Variants in CFAP157 observed in about 807,000 individuals in gnomAD.
CFAP157 encodes the protein cilia- and flagella-associated protein 157.
A neutral mutation model predicts 57.8 loss-of-function variants in CFAP157; 43 were observed. The ratio of observed to expected loss-of-function variants is 0.74; its 90% CI spans 0.58 to 0.96. CFAP157 has a LOEUF of 0.96. CFAP157 is among the 40% of genes least tolerant of loss of function. The pLI, the probability that CFAP157 is intolerant of heterozygous loss-of-function variation, is 0.00. For missense variants in CFAP157, 606 were observed against 655.3 expected (o/e 0.92, Z 0.82); for synonymous variants, 267 against 269.0 (o/e 0.99, Z 0.07).
In CFAP157 at chr9:127,715,244, G is replaced by A; in HGVS notation, c.*1339G>A. The A allele has an allele frequency of 6.6e-7, 1 of 1,503,882 alleles. No individual in the cohort carries two copies. The highest frequency in any genetic ancestry group is 1.4e-5 in the African/African-American group (1 of 72,472). The allele number at this position is 1,503,882 out of a possible 1,614,324, so 93.2% of individuals were successfully genotyped here. ...AGGCCCAACAACTCTCGCCACCCCC[G>A]ATCTCACAGCGTCCCGTGGGCCCCA... On this transcript the variant is annotated 3_prime_UTR_variant, in exon 9 of 9. Transcript: ENST00000373295. The surrounding 1 kb of genome is among the most constrained non-coding windows in gnomAD (Gnocchi z 5.8).
Position 127,715,132 on chromosome 9 carries a change from C to T in CFAP157, c.*1227C>T. The stretch of plus-strand genomic sequence containing the variant: ...CACCCAGCCGCCGCGCCAGCTGCCC[C>T]AGCACCGCCATGCCCACGCTGTGTC... On this transcript the variant is annotated 3_prime_UTR_variant, in exon 9 of 9. Coordinates refer to ENST00000373295, the MANE Select transcript of CFAP157 (RefSeq NM_001012502.3). This position sits in a 1 kb window ranked among gnomAD's most constrained non-coding sequence, Gnocchi z 5.8. The T allele has an allele frequency of 6.5e-7, 1 of 1,537,048 alleles. No homozygotes were observed.
chr9:127,712,706 C>T lies in CFAP157; in HGVS notation c.1138-3C>T, dbSNP rs772244241. 13 of 1,614,056 alleles carry T rather than the reference C, an allele frequency of 8.1e-6. No homozygotes were observed. In the South Asian group the frequency reaches 1.1e-4, roughly 14 times the overall value. On this transcript the variant is annotated splice_polypyrimidine_tract_variant and splice_region_variant and intron_variant, in intron 6 of 8. Coordinates refer to ENST00000373295, the MANE Select transcript of CFAP157 (RefSeq NM_001012502.3). The stretch of plus-strand genomic sequence containing the variant: ...CCTGCTGCCACCCCACCCTCACCAA[C>T]AGATGCACCGCGATGAAGAGGACAG...
At position 127,714,939 on chromosome 9, in the gene CFAP157, T is replaced by TGGG; in HGVS notation, c.*1036_*1037insGGG. The TGGG allele has an allele frequency of 9.8e-6, 4 of 407,850 alleles. No individual in the cohort carries two copies. Among genetic ancestry groups the TGGG allele is most frequent in the Non-Finnish European group, 9.1e-6 (2 of 220,880 alleles). 25.3% of individuals were successfully genotyped at this position (407,850 alleles called of 1,614,324 possible). A position where few individuals can be genotyped will look rare whatever the true frequency, so the allele number is the denominator to read the frequency against. Reference sequence around the variant, plus strand: ...CCCCGCGCCCCAACCCCCACCCCCTTGGCCCGCCCGCCCACCCCTGGCGCT... The same window carrying TGGG: ...CCCCGCGCCCCAACCCCCACCCCCTTGGGGGCCCGCCCGCCCACCCCTGGCGCT... On this transcript the variant is annotated 3_prime_UTR_variant, in exon 9 of 9. Coordinates refer to ENST00000373295, the MANE Select transcript of CFAP157 (RefSeq NM_001012502.3).
chr9:127,707,258 T>A, intron 1 of CFAP157, 66 bp downstream of exon 1: 2 of 1,565,082 alleles, frequency 1.3e-6, no homozygotes, highest in Non-Finnish European at 1.7e-6. Context: ...GTGGCCCCCA[T>A]GCAGGTTTGG....
In CFAP157 at chr9:127,709,061, T is replaced by G. The variant is rs976535345; in HGVS notation, c.162-361T>G. ...TCAGTTTCCTCATCTGTCAAATAGG[T>G]ATAAAATCATCATAGTACCTACATT... On this transcript the variant is annotated intron_variant, in intron 1 of 8. Transcript: ENST00000373295. This position sits in a 1 kb window ranked among gnomAD's most constrained non-coding sequence, Gnocchi z 4.7. Among the ~76,000 whole-genome samples the G allele has an allele frequency of 1.3e-5, 2 of 152,220 alleles. No individual in the cohort carries two copies. Among genetic ancestry groups the G allele is most frequent in the Admixed American group, 1.3e-4 (2 of 15,286 alleles).
chr9:127,710,685 G>A lies in CFAP157; in HGVS notation c.518G>A (p.Arg173Gln), dbSNP rs765610028. 3.9e-5 allele frequency: 62 copies of A among 1,577,418 alleles called. No individual in the cohort carries two copies. Among genetic ancestry groups the A allele is most frequent in the Middle Eastern group, 1.7e-4 (1 of 6,038 alleles). ...TTCACATTGCTGGAGGAGCAGGTGC[G>A]GAAGCAGGAGAATGAGTTCAGGGAC... ...DKFTLLEEQV[R>Q]KQENEFRDYA... The change falls in exon 3 of 9, where the codon CGG becomes CAG. Residue 173 changes from arginine to glutamine, a missense_variant. Physicochemically the swap from Arg to Gln is conservative, Grantham distance 43 (BLOSUM62 1). Coordinates refer to ENST00000373295, the MANE Select transcript of CFAP157 (RefSeq NM_001012502.3).
chr9:127,713,026 C>T lies in CFAP157; in HGVS notation c.1311C>T (p.Pro437=), dbSNP rs1377643502. 1.2e-6 allele frequency: 2 copies of T among 1,613,240 alleles called. No individual in the cohort carries two copies. Among genetic ancestry groups the T allele is most frequent in the African/African-American group, 1.3e-5 (1 of 75,042 alleles). Residue 437 remains proline, a synonymous_variant, in exon 8 of 9, where the codon CCC becomes CCT. Coordinates refer to ENST00000373295, the MANE Select transcript of CFAP157 (RefSeq NM_001012502.3). ...CTCGGCCCCCTCCCCACAGCCGGCCCAGCATCCAGCTGCCCAGGACTGGGT... is the reference window on the plus strand; with the variant it reads ...CTCGGCCCCCTCCCCACAGCCGGCCTAGCATCCAGCTGCCCAGGACTGGGT... ...QSHGPPKESR[P]SIQLPRTGSL...
At position 127,712,622 on chromosome 9, in the gene CFAP157, G is replaced by A. The variant is rs530174926; in HGVS notation, c.1138-87G>A. 14 of 1,607,866 alleles carry A rather than the reference G, an allele frequency of 8.7e-6. No homozygotes were observed. The South Asian group carries it at 1.2e-4, about 14-fold the overall frequency. On this transcript the variant is annotated intron_variant, in intron 6 of 8. Transcript: ENST00000373295. The stretch of plus-strand genomic sequence containing the variant: ...CACCACAGACAGGGAAAACTTCGTG[G>A]AAATGGGCACTGAGGTTGGAATTTC...
chr9:127,714,300 A>T lies in CFAP157; in HGVS notation c.*395A>T, dbSNP rs1842852314. The T allele has an allele frequency of 1.9e-6, 3 of 1,613,834 alleles. No individual in the cohort carries two copies. The African/African-American group carries it at 4.0e-5, about 22-fold the overall frequency. On this transcript the variant is annotated 3_prime_UTR_variant, in exon 9 of 9. Transcript: ENST00000373295. ...GGCATTGCCTGTGGGAGAGCCAGAGAGGCCCAGGAAGCTTTGGCGAGGTGC... is the reference window on the plus strand; with the variant it reads ...GGCATTGCCTGTGGGAGAGCCAGAGTGGCCCAGGAAGCTTTGGCGAGGTGC...
chr9:127,710,320 CT>C (rs1842735205), intron 2 of CFAP157, among the ~76,000 whole-genome samples: 1 of 151,034 alleles, frequency 6.6e-6, no homozygotes, highest in South Asian at 2.1e-4. Context: ...GTTGTCATTA[CT>C]GTCGCTTTCA....
Position 127,713,956 on chromosome 9 carries a change from A to AC in CFAP157, c.*56dup. ...GAAATGGACTGGTCCAGTCACAGTCACCCCCACTTTAATCCGCAGGCAGCC... is the reference window on the plus strand; with the variant it reads ...GAAATGGACTGGTCCAGTCACAGTCACCCCCCACTTTAATCCGCAGGCAGCC... On this transcript the variant is annotated 3_prime_UTR_variant, in exon 9 of 9. Transcript: ENST00000373295. 2 of 1,588,642 alleles carry AC rather than the reference A, an allele frequency of 1.3e-6. No homozygotes were observed. The highest frequency in any genetic ancestry group is 1.7e-6 in the Non-Finnish European group (2 of 1,157,220).
rs1372770244 is a variant in CFAP157, at chr9:127,715,357, G to T, written c.*1452G>T. 5 of 1,237,658 alleles carry T rather than the reference G, an allele frequency of 4.0e-6. No homozygotes were observed. Among genetic ancestry groups the T allele is most frequent in the Non-Finnish European group, 5.7e-6 (5 of 873,176 alleles). The allele number at this position is 1,237,658 out of a possible 1,614,324, so 76.7% of individuals were successfully genotyped here. A position where few individuals can be genotyped will look rare whatever the true frequency, so the allele number is the denominator to read the frequency against. On this transcript the variant is annotated 3_prime_UTR_variant, in exon 9 of 9. Coordinates refer to ENST00000373295, the MANE Select transcript of CFAP157 (RefSeq NM_001012502.3). This position sits in a 1 kb window ranked among gnomAD's most constrained non-coding sequence, Gnocchi z 5.8. ...AGAAACCCGACCCCTGAGAACTCCAGAAGGCTGGGCAGGCAGGGCGCCCTA... is the reference window on the plus strand; with the variant it reads ...AGAAACCCGACCCCTGAGAACTCCATAAGGCTGGGCAGGCAGGGCGCCCTA...
At position 127,714,956 on chromosome 9, in the gene CFAP157, C is replaced by T; in HGVS notation, c.*1051C>T. 7.6e-7 allele frequency: 1 copy of T among 1,311,540 alleles called. No individual in the cohort carries two copies. Among genetic ancestry groups the T allele is most frequent in the Non-Finnish European group, 1.0e-6 (1 of 986,058 alleles). The allele number at this position is 1,311,540 out of a possible 1,614,324, so 81.2% of individuals were successfully genotyped here. On this transcript the variant is annotated 3_prime_UTR_variant, in exon 9 of 9. Transcript: ENST00000373295. ...CACCCCCTTGGCCCGCCCGCCCACC[C>T]CTGGCGCTCTCAACTCACCAGCCCG...
Position 127,707,092 on chromosome 9 carries a change from G to A in CFAP157, c.61G>A (p.Gly21Ser). Residue 21 changes from glycine (G) to serine (S), a missense_variant, in exon 1 of 9, where the codon GGC becomes AGC. Coordinates refer to ENST00000373295, the MANE Select transcript of CFAP157 (RefSeq NM_001012502.3). ...GKELEVKKKG[G>S]KKEPVVAVEP... ...GGAGCTTGAAGTCAAGAAGAAAGGG[G>A]GCAAGAAGGAGCCGGTGGTGGCCGT... 6.2e-7 allele frequency: 1 copy of A among 1,613,940 alleles called. No individual in the cohort carries two copies. The highest frequency in any genetic ancestry group is 8.5e-7 in the Non-Finnish European group (1 of 1,180,032).
chr9:127,712,790 A>G lies in CFAP157; in HGVS notation c.1219A>G (p.Met407Val), dbSNP rs1842798103. Residue 407 changes from methionine to valine, a missense_variant, in exon 7 of 9, where the codon ATG becomes GTG. Met to Val is a conservative substitution (Grantham distance 21). Transcript: ENST00000373295. ...HKEMLQQLLV[M>V]LSSTVATRPQ... The stretch of plus-strand genomic sequence containing the variant: ...GGAGATGCTGCAGCAACTGCTGGTC[A>G]TGCTCAGCTCCACTGTGGCCACGAG... 4 of 1,614,200 alleles carry G rather than the reference A, an allele frequency of 2.5e-6. No individual in the cohort carries two copies. Among genetic ancestry groups the G allele is most frequent in the East Asian group, 2.2e-5 (1 of 44,886 alleles).
chr9:127,713,632 A>T, intron 8 of CFAP157: 1 of 463,120 alleles, frequency 2.2e-6, no homozygotes, highest in South Asian at 2.1e-5. Flanking sequence ...TCAGTCTCCC[A>T]AGTAGCAGGG....
chr9:127,714,241 G>A lies in CFAP157; in HGVS notation c.*336G>A. ...GCACATGGGCCTGAACCGCCTCAGG[G>A]TGCGCCGGGCGCCCGATACCCACCC... On this transcript the variant is annotated 3_prime_UTR_variant, in exon 9 of 9. Transcript: ENST00000373295. 1 of 1,613,990 alleles carries A rather than the reference G, an allele frequency of 6.2e-7. No homozygotes were observed. The highest frequency in any genetic ancestry group is 8.5e-7 in the Non-Finnish European group (1 of 1,180,006).
rs561773688 is a variant in CFAP157, at chr9:127,708,508, A to C, written c.162-914A>C. ...TAATTAATTAATTTAATTTAATTAA[A>C]AAAAACTTTTCAAGTAACTTCAGTT... On this transcript the variant is annotated intron_variant, in intron 1 of 8. Transcript: ENST00000373295. Among the ~76,000 whole-genome samples, 13 of 152,310 alleles carry C rather than the reference A, an allele frequency of 8.5e-5. No homozygotes were observed. In the South Asian group the frequency reaches 2.7e-3, roughly 32 times the overall value.
rs1466808232 is a variant in CFAP157, at chr9:127,715,675, T to A, written c.*1770T>A. 6.3e-7 allele frequency: 1 copy of A among 1,599,860 alleles called. No individual in the cohort carries two copies. Among genetic ancestry groups the A allele is most frequent in the South Asian group, 1.1e-5 (1 of 90,008 alleles). ...TTCACTCCGACACCGCCCCCTGACG[T>A]CATCACCCCGCAGCAGCCAATCGTG... On this transcript the variant is annotated 3_prime_UTR_variant, in exon 9 of 9. Transcript: ENST00000373295. This position sits in a 1 kb window ranked among gnomAD's most constrained non-coding sequence, Gnocchi z 5.8.
Sources: gnomAD v4.1 joint callset for allele counts (sites outside exome capture counted in the v4.1 genomes callset) on GRCh38, gnomAD v4.1.1 for gene constraint, Gnocchi (gnomAD v3.1) non-coding constraint, MANE v1.5 for transcripts, NCBI Gene and HGNC (gene_info 2026-07-23, HGNC 2026-07-21) for gene names.